Variants in THNSL2 observed in about 807,000 individuals in gnomAD.
The protein encoded by THNSL2 is threonine synthase-like 2.
Under a neutral mutation model 40.0 loss-of-function variants are expected in THNSL2, and 34 were observed. That is an observed-to-expected ratio of 0.85 (90% CI 0.65 to 1.13). THNSL2 has a LOEUF of 1.13. Among genes scored for constraint, THNSL2 ranks in the 50% most tolerant of loss-of-function variants. The pLI is 0.00. For missense variants in THNSL2, 537 were observed against 608.8 expected (o/e 0.88, Z 1.24); for synonymous variants, 241 against 247.5 (o/e 0.97, Z 0.25).
intron 5 of THNSL2, among the ~76,000 whole-genome samples, chr2:88,181,517 TCCTCTCTCTCC>T (rs1189005999): frequency 0.04 from 2,662 of 66,052 alleles, 232 homozygotes; most frequent in East Asian, 0.19. Context: ...CCTCTCTCTC[TCCTCTCTCTCC>T]CCTCTCTCTC....
Position 88,170,390 on chromosome 2 carries a change from G to A in THNSL2, c.-79G>A, listed in dbSNP as rs1676222117. On this transcript the variant is annotated 5_prime_UTR_variant, in exon 1 of 9. Coordinates refer to ENST00000674334, the MANE Select transcript of THNSL2 (RefSeq NM_018271.5). ...CGGGAGTGCGCACATTCGCAGCCCG[G>A]GCAGCCCTGCTGCGCACCGGGCCTC... The A allele has an allele frequency of 6.6e-6, 1 of 151,974 alleles. No individual in the cohort carries two copies. Among genetic ancestry groups the A allele is most frequent in the Admixed American group, 6.6e-5 (1 of 15,186 alleles). 9.4% of individuals were successfully genotyped at this position (151,974 alleles called of 1,614,324 possible).
At chr2:88,178,421 G>A (rs940607051) in intron 4 of THNSL2, among the ~76,000 whole-genome samples, 1 of 152,246 alleles carries the variant, frequency 6.6e-6, no homozygotes, top group East Asian at 1.9e-4. Context: ...CTCTGCGGAA[G>A]AGTGGGGGAA....
chr2:88,171,203 C>G (rs902831818), intron 1 of THNSL2: 1 of 446,746 alleles, frequency 2.2e-6, no homozygotes, highest in African/African-American at 2.0e-5. Flanking sequence ...TACATTGAAC[C>G]CAACCATGTG....
chr2:88,172,408 G>C (rs1676466246), intron 1 of THNSL2: 1 of 152,172 alleles, frequency 6.6e-6, no homozygotes, highest in Non-Finnish European at 1.5e-5. Flanking sequence ...TAGAACACTG[G>C]TTATCCACTA....
chr2:88,176,082 G>A (rs1676906940), intron 4 of THNSL2: 1 of 152,360 alleles, frequency 6.6e-6, no homozygotes, highest in East Asian at 1.9e-4. Flanking sequence ...GCAGCAGAGT[G>A]AGACCCTGTC....
In THNSL2 at chr2:88,174,810, A is replaced by C. The variant is rs137996561; in HGVS notation, c.395A>C (p.Glu132Ala). ...QFLQYFLEKR[E>A]KHVTVVVGTS... ...CTGCAGTACTTCCTGGAGAAGAGGG[A>C]GAAGCACGTCACTGTGGTTGTAGGT... Residue 132 changes from glutamate to alanine, a missense_variant, in exon 3 of 9, where the codon GAG becomes GCG. Transcript: ENST00000674334. 1 of 1,614,118 alleles carries C rather than the reference A, an allele frequency of 6.2e-7. No individual in the cohort carries two copies. The highest frequency in any genetic ancestry group is 2.2e-5 in the East Asian group (1 of 44,880).
rs1678309028 is a variant in THNSL2 at position 88,186,567 on chromosome 2, A to G, written c.*444A>G. ...TCCAAAGGTTCTGGCCCACCTTGTC[A>G]GAGGCTTCCACCCTGCTCACATGTT... is the stretch of plus-strand genomic sequence containing the variant. On this transcript the variant is annotated 3_prime_UTR_variant, in exon 9 of 9. Coordinates refer to ENST00000674334, the MANE Select transcript of THNSL2 (RefSeq NM_018271.5). 1 of 193,580 alleles carries G rather than the reference A, an allele frequency of 5.2e-6. No individual in the cohort carries two copies. The highest frequency in any genetic ancestry group is 5.2e-5 in the Admixed American group (1 of 19,052). 12.0% of individuals were successfully genotyped at this position (193,580 alleles called of 1,614,324 possible).
chr2:88,181,191 C>CT (rs1259575880), intron 5 of THNSL2, among the ~76,000 whole-genome samples: 2 of 10 alleles, frequency 0.2, 1 homozygote, highest in Non-Finnish European at 0.25. Flanking sequence ...TCCTCTCTCT[C>CT]CCTCTCTCTC....
intron 2 of THNSL2, among the ~76,000 whole-genome samples, chr2:88,174,281 A>T (rs1676669403): frequency 6.6e-6 from 1 of 152,212 alleles, no homozygotes; most frequent in Non-Finnish European, 1.5e-5. Flanking sequence ...TTAGGAAGGA[A>T]CATTAGATGG....
chr2:88,185,971 CCT>C lies in THNSL2; in HGVS notation c.1304_1305del (p.Pro435ArgfsTer23), dbSNP rs1678254243. ...PEAVLAAGLT[P>X]ETPAEIVALE... ...AGCTGTCCTGGCTGCTGGCCTGACC[CCT>C]GAGACTCCCGCGGAGATCGTAGCCC... On this transcript the variant is annotated frameshift_variant, in exon 9 of 9. Transcript: ENST00000674334. LOFTEE classifies it low-confidence loss of function (END_TRUNC). 10 of 1,613,090 alleles carry C rather than the reference CCT, an allele frequency of 6.2e-6. No homozygotes were observed. The East Asian group carries it at 6.7e-5, about 11-fold the overall frequency.
intron 1 of THNSL2, chr2:88,172,066 A>G (rs997543304): frequency 6.6e-6 from 1 of 152,286 alleles, no homozygotes; most frequent in Non-Finnish European, 1.5e-5. Flanking sequence ...CTTAGAGGGC[A>G]GGGGATCCCC....
Position 88,183,018 on chromosome 2 carries a change from T to C in THNSL2, c.1022T>C (p.Met341Thr). 2 of 1,614,034 alleles carry C rather than the reference T, an allele frequency of 1.2e-6. No homozygotes were observed. The change falls in exon 7 of 9, where the codon ATG (methionine) becomes ACG (threonine). Residue 341 changes from methionine to threonine, a missense_variant. By Grantham distance (81) the Met-to-Thr change is moderately conservative. Transcript: ENST00000674334. The part of the protein sequence containing the change: ...GSDSQVTRAL[M>T]EQFERTQSVN... ...GACAGCCAGGTGACAAGAGCCCTCATGGAGCAGTTTGAAAGGACCCAAAGT... is the reference window on the plus strand; with the variant it reads ...GACAGCCAGGTGACAAGAGCCCTCACGGAGCAGTTTGAAAGGACCCAAAGT...
chr2:88,186,056 T>C lies in THNSL2; in HGVS notation c.1388T>C (p.Met463Thr). The C allele has an allele frequency of 1.3e-6, 2 of 1,588,118 alleles. No individual in the cohort carries two copies. Among genetic ancestry groups the C allele is most frequent in the Non-Finnish European group, 1.7e-6 (2 of 1,167,124 alleles). Residue 463 changes from methionine (M) to threonine (T), a missense_variant, in exon 9 of 9, where the codon ATG (methionine) becomes ACG (threonine). Coordinates refer to ENST00000674334, the MANE Select transcript of THNSL2 (RefSeq NM_018271.5). The part of the protein sequence containing the change: ...LMRRGDNWML[M>T]LRDTIEDLSR... ...CGGAGAGGTGACAACTGGATGCTGA[T>C]GCTTCGGGACACCATTGAGGACCTT... is the stretch of plus-strand genomic sequence containing the variant.
intron 4 of THNSL2, among the ~76,000 whole-genome samples, chr2:88,177,491 C>T (rs1443795775): frequency 6.6e-6 from 1 of 152,212 alleles, no homozygotes; most frequent in Non-Finnish European, 1.5e-5. Context: ...ATTTGAGATG[C>T]TTTTGGCTAG....
In THNSL2 at chr2:88,173,297, C is replaced by T; in HGVS notation, c.147C>T (p.Leu49=). 6.2e-7 allele frequency: 1 copy of T among 1,612,654 alleles called. No individual in the cohort carries two copies. Among genetic ancestry groups the T allele is most frequent in the Non-Finnish European group, 8.5e-7 (1 of 1,179,950 alleles). The change falls in exon 2 of 9, where the codon CTC becomes CTT. Residue 49 remains leucine (L), a synonymous_variant. Transcript: ENST00000674334. The part of the protein sequence containing the change: ...DRGTLCQWST[L]SYPGLVKELC... Reference sequence around the variant, plus strand: ...GGACCCTGTGCCAGTGGAGCACACTCTCCTATCCTGGCCTGGTGAAGGAGC... The same window carrying T: ...GGACCCTGTGCCAGTGGAGCACACTTTCCTATCCTGGCCTGGTGAAGGAGC...
At position 88,182,677 on chromosome 2, in the gene THNSL2, TCTC is replaced by T. The variant is rs748436146; in HGVS notation, c.803-15_803-13del. 12 of 1,520,846 alleles carry T rather than the reference TCTC, an allele frequency of 7.9e-6. No homozygotes were observed. The highest frequency in any genetic ancestry group is 1.4e-5 in the African/African-American group (1 of 72,760). 94.2% of individuals were successfully genotyped at this position (1,520,846 alleles called of 1,614,324 possible). On this transcript the variant is annotated intron_variant, in intron 5 of 8. Coordinates refer to ENST00000674334, the MANE Select transcript of THNSL2 (RefSeq NM_018271.5). ...GCTTTTATTTCTAAAAAGCCATTGT[TCTC>T]CTCCTCTCTTGTCTTAAGCTGGGTA...
At chr2:88,171,777 G>C (rs1676402292) in intron 1 of THNSL2, 1 of 157,236 alleles carries the variant, frequency 6.4e-6, no homozygotes, top group East Asian at 1.9e-4. Flanking sequence ...CCCATACGGA[G>C]TGACCTTGTA....
intron 1 of THNSL2, chr2:88,172,556 C>T (rs1181631077): frequency 1.3e-5 from 2 of 152,208 alleles, no homozygotes; most frequent in African/African-American, 2.4e-5. Flanking sequence ...GCACGTTAGA[C>T]TCTCTTGAGG....
At chr2:88,178,667 C>T (rs984514949) in intron 4 of THNSL2, 116 bp from the exon 5 acceptor site, 17 of 1,006,990 alleles carry the variant, frequency 1.7e-5, no homozygotes, top group Middle Eastern at 3.0e-4. Flanking sequence ...ACCTAGGCTG[C>T]GCGAAGGTCC....
Sources: allele counts gnomAD v4.1 joint callset (sites outside exome capture counted in the v4.1 genomes callset), GRCh38; gene constraint gnomAD v4.1.1; transcripts MANE v1.5; gene names NCBI Gene and HGNC (gene_info 2026-07-23, HGNC 2026-07-21).